The following KRABD3 variants were observed in gnomAD, a reference collection of about 807,000 sequenced individuals.
The protein encoded by KRABD3 is KRAB domain-containing protein 3.
chr7:149,720,923 C>T, the KRABD3 span: 435 of 1,613,484 alleles, frequency 2.7e-4, 1 homozygote, highest in South Asian at 7.0e-4. Flanking sequence ...AAGTCAAGGG[C>T]GCTATGGACA....
At chr7:149,714,975 C>T in the KRABD3 span, 2 of 1,162,574 alleles carry the variant, frequency 1.7e-6, no homozygotes, top group African/African-American at 1.6e-5. Flanking sequence ...GGACCTGGGC[C>T]GCCGCCGACG....
At chr7:149,716,682 C>T in the KRABD3 span, among the ~76,000 whole-genome samples, 1 of 152,162 alleles carries the variant, frequency 6.6e-6, no homozygotes, top group Non-Finnish European at 1.5e-5. Flanking sequence ...TTACAGATTC[C>T]TGGAAGAGCT....
chr7:149,727,790 G>A, the KRABD3 span, among the ~76,000 whole-genome samples: 3 of 152,176 alleles, frequency 2.0e-5, no homozygotes, highest in Admixed American at 6.5e-5. Context: ...AGAACTCAGC[G>A]AACGTGCTGT....
the KRABD3 span, among the ~76,000 whole-genome samples, chr7:149,716,210 T>C: frequency 3.3e-5 from 5 of 152,174 alleles, no homozygotes; most frequent in Admixed American, 3.3e-4. Context: ...GGAAGGACTG[T>C]GAGAGAGGGG....
At chr7:149,718,287 C>G in the KRABD3 span, among the ~76,000 whole-genome samples, 3 of 152,078 alleles carry the variant, frequency 2.0e-5, no homozygotes, top group Non-Finnish European at 4.4e-5. Context: ...ATGAAACAAG[C>G]GGTGAATTGT....
chr7:149,721,711 G>A, the KRABD3 span: 2 of 788,194 alleles, frequency 2.5e-6, no homozygotes. Context: ...TTAGCCTCTG[G>A]TGTAACCACC....
the KRABD3 span, chr7:149,733,062 T>C: frequency 1.0e-6 from 1 of 956,720 alleles, no homozygotes; most frequent in African/African-American, 1.6e-5. Flanking sequence ...ATCTGCGTTC[T>C]CAGGCCTCAC....
the KRABD3 span, chr7:149,721,525 T>C: frequency 6.2e-6 from 10 of 1,611,246 alleles, no homozygotes; most frequent in Non-Finnish European, 8.5e-6. Context: ...AGGGAAGTCC[T>C]CTCCCCATCA....
chr7:149,733,769 C>T, the KRABD3 span: 5 of 1,595,374 alleles, frequency 3.1e-6, no homozygotes, highest in South Asian at 2.3e-5. Context: ...GTCCTCTACA[C>T]CCAGCTGCCA....
chr7:149,724,611 C>T, the KRABD3 span: 1 of 1,436,746 alleles, frequency 7.0e-7, no homozygotes, highest in South Asian at 1.5e-5. Flanking sequence ...AGGGTGAGTC[C>T]AGGCCTGAAC....
At chr7:149,722,868 A>G in the KRABD3 span, 1 of 1,613,640 alleles carries the variant, frequency 6.2e-7, no homozygotes, top group Non-Finnish European at 8.5e-7. Context: ...ACCCCGAGAC[A>G]TCCCCAAGCT....
At chr7:149,733,280 C>G in the KRABD3 span, 33 of 1,612,444 alleles carry the variant, frequency 2.0e-5, no homozygotes, top group Non-Finnish European at 2.5e-5. Context: ...GGAGCTGCCC[C>G]CTCCGGAAGC....
At chr7:149,724,418 G>A in the KRABD3 span, among the ~76,000 whole-genome samples, 1 of 152,168 alleles carries the variant, frequency 6.6e-6, no homozygotes, top group African/African-American at 2.4e-5. Flanking sequence ...TCTGGGGAGG[G>A]CTGACTTCAT....
the KRABD3 span, among the ~76,000 whole-genome samples, chr7:149,718,615 G>A: frequency 1.3e-5 from 2 of 149,822 alleles, no homozygotes; most frequent in African/African-American, 4.9e-5. Context: ...GCCTTCCGAG[G>A]TCAAGCAATT....
chr7:149,715,173 C>T, the KRABD3 span: 9 of 1,225,782 alleles, frequency 7.3e-6, no homozygotes, highest in Non-Finnish European at 9.1e-6. Flanking sequence ...CTGGGTGAGG[C>T]TGGGCAGGCC....
the KRABD3 span, chr7:149,730,288 C>G: frequency 1.3e-6 from 2 of 1,551,214 alleles, no homozygotes; most frequent in Non-Finnish European, 1.7e-6. Context: ...TTCAGCGGCT[C>G]TGAAGGAGAA....
At chr7:149,725,138 TG>T in the KRABD3 span, among the ~76,000 whole-genome samples, 3 of 152,010 alleles carry the variant, frequency 2.0e-5, no homozygotes, top group African/African-American at 4.8e-5. Context: ...GGGAGCAGGG[TG>T]GGGGGCGAGA....
At chr7:149,718,847 A>C in the KRABD3 span, among the ~76,000 whole-genome samples, 10 of 152,210 alleles carry the variant, frequency 6.6e-5, no homozygotes, top group African/African-American at 2.4e-4. Context: ...CATAGACAAA[A>C]ATGCTCGTGT....
At chr7:149,717,534 AG>A in the KRABD3 span, among the ~76,000 whole-genome samples, 7 of 152,344 alleles carry the variant, frequency 4.6e-5, no homozygotes, top group South Asian at 4.1e-4. Context: ...TGTTCCTGAG[AG>A]GGAGTGACCA....
Sources: gnomAD v4.1 joint callset for allele counts (sites outside exome capture counted in the v4.1 genomes callset) on GRCh38, gnomAD v4.1.1 for gene constraint, MANE v1.5 for transcripts, NCBI Gene and HGNC (gene_info 2026-07-23, HGNC 2026-07-21) for gene names.